Variants in CDH12 observed in about 807,000 individuals in gnomAD.
CDH12 encodes the protein cadherin 12.
Under a neutral mutation model 74.1 loss-of-function variants are expected in CDH12, and 41 were observed. The ratio of observed to expected loss-of-function variants is 0.55; its 90% CI spans 0.43 to 0.72. CDH12 has a LOEUF of 0.72. Ranked by LOEUF, CDH12 falls within the 30% of genes least tolerant of loss-of-function variation. CDH12 has a pLI of 0.00. For synonymous variants in CDH12, 399 were observed against 355.0 expected (o/e 1.12, Z -1.39); for missense variants, 945 against 977.2 (o/e 0.97, Z 0.44).
chr5:22,531,729 G>A (rs1160761527), intron 1 of CDH12, among the ~76,000 whole-genome samples: 8 of 152,142 alleles, frequency 5.3e-5, no homozygotes, highest in South Asian at 2.1e-4. Flanking sequence ...CAAAGAATCC[G>A]GAAAAGACTC....
intron 1 of CDH12, among the ~76,000 whole-genome samples, chr5:22,636,012 T>G (rs1738823261): frequency 6.6e-6 from 1 of 151,828 alleles, no homozygotes; most frequent in African/African-American, 2.4e-5. Flanking sequence ...TTAAGAAAAC[T>G]AAGAAAAGGA....
At chr5:21,852,767 T>C (rs1303698390) in intron 7 of CDH12, among the ~76,000 whole-genome samples, 1 of 151,410 alleles carries the variant, frequency 6.6e-6, no homozygotes, top group African/African-American at 2.4e-5. Flanking sequence ...CACCAATCTC[T>C]ATACACCTAC....
At chr5:22,131,072 A>G (rs565626390) in intron 4 of CDH12, among the ~76,000 whole-genome samples, 1 of 152,016 alleles carries the variant, frequency 6.6e-6, no homozygotes, top group African/African-American at 2.4e-5. Context: ...CATTGAATTT[A>G]TCCATTTTAT....
chr5:21,871,054 A>G (rs1751591285), intron 6 of CDH12, among the ~76,000 whole-genome samples: 1 of 152,164 alleles, frequency 6.6e-6, no homozygotes. Context: ...AACAACACCA[A>G]TTCTTGGGCT....
intron 3 of CDH12, among the ~76,000 whole-genome samples, chr5:22,328,702 G>A (rs192915266): frequency 1.3e-5 from 2 of 152,210 alleles, no homozygotes; most frequent in South Asian, 2.1e-4. Context: ...ATTGATGAAG[G>A]CTTTGAATAG....
intron 9 of CDH12, among the ~76,000 whole-genome samples, chr5:21,808,234 C>T (rs1434484465): frequency 6.6e-6 from 1 of 151,946 alleles, no homozygotes; most frequent in Non-Finnish European, 1.5e-5. Flanking sequence ...GGATCATAGC[C>T]CCAATCACGC....
chr5:21,778,466 C>CAAAAAAAAAAAAAAAAAAAAAA (rs70957061), intron 11 of CDH12, among the ~76,000 whole-genome samples: 1 of 52,614 alleles, frequency 1.9e-5, no homozygotes, highest in Non-Finnish European at 3.1e-5. Context: ...GCATATAAGC[C>CAAAAAAAAAAAAAAAAAAAAAA]AAAAAAAAAA....
At chr5:22,676,369 A>G (rs1235525728) in intron 1 of CDH12, among the ~76,000 whole-genome samples, 1 of 152,194 alleles carries the variant, frequency 6.6e-6, no homozygotes, top group Non-Finnish European at 1.5e-5. Flanking sequence ...CAGAGACCTT[A>G]TAACTCTAAT....
At chr5:22,508,756 C>T (rs1176494938) in intron 1 of CDH12, among the ~76,000 whole-genome samples, 4 of 152,118 alleles carry the variant, frequency 2.6e-5, no homozygotes, top group East Asian at 1.9e-4. Context: ...CACCCCCTCC[C>T]GCCCCACAGC....
intron 3 of CDH12, among the ~76,000 whole-genome samples, chr5:22,262,805 A>G (rs1753569597): frequency 6.6e-6 from 1 of 152,052 alleles, no homozygotes; most frequent in Non-Finnish European, 1.5e-5. Context: ...AATGATTGCC[A>G]TTCTAACTGG....
chr5:22,593,943 T>C (rs1219711287), intron 1 of CDH12, among the ~76,000 whole-genome samples: 2 of 152,200 alleles, frequency 1.3e-5, no homozygotes, highest in East Asian at 1.9e-4. Context: ...TAACTGATTA[T>C]CTATATATAC....
intron 1 of CDH12, among the ~76,000 whole-genome samples, chr5:22,792,329 T>C (rs952066999): frequency 6.6e-6 from 1 of 152,120 alleles, no homozygotes; most frequent in African/African-American, 2.4e-5. Flanking sequence ...CCTCAGGTGA[T>C]CTGCCTCCGT....
chr5:21,870,235 G>A (rs1751546469), intron 6 of CDH12, among the ~76,000 whole-genome samples: 1 of 151,862 alleles, frequency 6.6e-6, no homozygotes, highest in Non-Finnish European at 1.5e-5. Context: ...TTTATCAACA[G>A]CGTGAAAATG....
chr5:22,324,189 A>G (rs1029457515), intron 3 of CDH12, among the ~76,000 whole-genome samples: 2 of 152,156 alleles, frequency 1.3e-5, no homozygotes, highest in African/African-American at 4.8e-5. Context: ...TGTAGGTCAT[A>G]AAGATTCAAT....
At chr5:22,620,455 A>G (rs971087055) in intron 1 of CDH12, among the ~76,000 whole-genome samples, 1 of 152,220 alleles carries the variant, frequency 6.6e-6, no homozygotes, top group Non-Finnish European at 1.5e-5. Context: ...CAAACAAAAC[A>G]CTACACATGG....
intron 3 of CDH12, among the ~76,000 whole-genome samples, chr5:22,278,885 C>A (rs1436781345): frequency 1.3e-5 from 2 of 152,120 alleles, no homozygotes; most frequent in African/African-American, 4.8e-5. Context: ...CTTCAAATAT[C>A]ATTCAAATCT....
chr5:22,317,083 C>T (rs748659053), intron 3 of CDH12, among the ~76,000 whole-genome samples: 4 of 151,938 alleles, frequency 2.6e-5, no homozygotes, highest in Admixed American at 6.6e-5. Context: ...TTTGGGAGAC[C>T]GAGGTGGGCA....
At chr5:22,259,801 A>T (rs1753448124) in intron 3 of CDH12, among the ~76,000 whole-genome samples, 1 of 152,046 alleles carries the variant, frequency 6.6e-6, no homozygotes, top group Admixed American at 6.6e-5. Context: ...CTCAAGTATA[A>T]TTAATTCAGC....
At chr5:22,690,721 C>T (rs1357729842) in intron 1 of CDH12, among the ~76,000 whole-genome samples, 1 of 152,134 alleles carries the variant, frequency 6.6e-6, no homozygotes, top group Non-Finnish European at 1.5e-5. Flanking sequence ...CACTTAGTCC[C>T]TCTGTGCTTG....
Sources: allele counts gnomAD v4.1 joint callset (sites outside exome capture counted in the v4.1 genomes callset), GRCh38; gene constraint gnomAD v4.1.1; transcripts MANE v1.5; gene names NCBI Gene and HGNC (gene_info 2026-07-23, HGNC 2026-07-21).